Variants in ARAP2 observed in about 807,000 individuals in gnomAD.
The protein encoded by ARAP2 is ArfGAP with RhoGAP domain, ankyrin repeat and PH domain 2, also known as arf-GAP with Rho-GAP domain, ANK repeat and PH domain-containing protein 2.
Under a neutral mutation model 194.5 loss-of-function variants are expected in ARAP2, and 148 were observed. The ratio of observed to expected loss-of-function variants is 0.76; its 90% CI spans 0.67 to 0.87. The LOEUF (loss-of-function observed/expected upper bound fraction) is 0.87. Among genes scored for constraint, ARAP2 ranks in the 40% least tolerant of loss-of-function variants. The pLI is 0.00. For missense variants in ARAP2, 2,128 were observed against 1,989.7 expected, an observed-to-expected ratio of 1.07 and a Z score of -1.32; for synonymous variants, 695 against 683.5, an observed-to-expected ratio of 1.02 and a Z score of -0.26.
chr4:36,014,316 A>AAG (rs879800341), intron 8 of ARAP2, among the ~76,000 whole-genome samples: 1 of 106,416 alleles, frequency 9.4e-6, no homozygotes, highest in Non-Finnish European at 2.0e-5. Flanking sequence ...GAAGGAAAGA[A>AAG]AGAAAGAGAG....
At chr4:36,057,970 CT>C (rs1379846170) in exon 2 of ARAP2, 1 of 151,228 alleles carries the variant, frequency 6.6e-6, no homozygotes, top group Non-Finnish European at 1.5e-5. Context: ...GAGGATTTAC[CT>C]TTCCATCTTC....
At chr4:36,035,313 G>T (rs1315323608) in intron 5 of ARAP2, among the ~76,000 whole-genome samples, 1 of 151,972 alleles carries the variant, frequency 6.6e-6, no homozygotes, top group African/African-American at 2.4e-5. Flanking sequence ...TCTTGGGAGG[G>T]TGTATGTGTC....
intron 15 of ARAP2, among the ~76,000 whole-genome samples, chr4:36,151,487 T>C (rs999622007): frequency 1.3e-5 from 2 of 152,218 alleles, no homozygotes; most frequent in Admixed American, 1.3e-4. Context: ...ATTCATCTTA[T>C]ACTGAAGTCA....
chr4:36,089,923 T>C (rs185886101), intron 28 of ARAP2, among the ~76,000 whole-genome samples: 2 of 152,178 alleles, frequency 1.3e-5, no homozygotes, highest in African/African-American at 4.8e-5. Flanking sequence ...GACTTGCCTA[T>C]TCATATTCTT....
At chr4:36,077,972 T>C (rs12651329) in intron 31 of ARAP2, among the ~76,000 whole-genome samples, 69,274 of 151,922 alleles carry the variant, frequency 0.46, 16,187 homozygotes, top group East Asian at 0.63. Flanking sequence ...GAAAGCCATT[T>C]CCTGAGAACC....
At chr4:36,014,885 T>C (rs113772605) in intron 8 of ARAP2, among the ~76,000 whole-genome samples, 2,569 of 152,240 alleles carry the variant, frequency 0.017, 62 homozygotes, top group African/African-American at 0.059. Flanking sequence ...AAGATTTCTT[T>C]GAAATAAAAA....
intron 4 of ARAP2, 70 bp downstream of exon 4, chr4:36,213,173 T>G (rs1018346173): frequency 2.6e-6 from 3 of 1,132,194 alleles, no homozygotes; most frequent in Non-Finnish European, 3.9e-6. Context: ...TGGAGAAAAA[T>G]GAAGAGGTAC....
In ARAP2 at chr4:36,010,189, T is replaced by C. The variant is rs1714194550; in HGVS notation, n.1325+2374A>G. On this transcript the variant is annotated intron_variant and non_coding_transcript_variant, in intron 9 of 12. Transcript: ENST00000503225. ...CATGTGTTAAATATTATATGTTATATAACATGCTATATATTGTATTTTATA... is the reference window on the plus strand; with the variant it reads ...CATGTGTTAAATATTATATGTTATACAACATGCTATATATTGTATTTTATA... Among the ~76,000 whole-genome samples the C allele has an allele frequency of 2.0e-5, 3 of 151,198 alleles. No homozygotes were observed. In the South Asian group the frequency reaches 6.2e-4, roughly 31 times the overall value.
At chr4:36,238,270 T>C (rs978410057) in intron 1 of ARAP2, among the ~76,000 whole-genome samples, 3 of 152,210 alleles carry the variant, frequency 2.0e-5, no homozygotes, top group Non-Finnish European at 2.9e-5. Flanking sequence ...TCTTCTTTCA[T>C]TCTCCCTCAG....
intron 1 of ARAP2, among the ~76,000 whole-genome samples, chr4:36,237,612 T>G (rs1480038037): frequency 6.6e-6 from 1 of 152,218 alleles, no homozygotes; most frequent in Non-Finnish European, 1.5e-5. Context: ...GCTTCCCCTT[T>G]GCCTTCCACA....
chr4:36,092,583 C>T (rs1257548526), intron 27 of ARAP2, among the ~76,000 whole-genome samples: 1 of 151,972 alleles, frequency 6.6e-6, no homozygotes, highest in Admixed American at 6.6e-5. Context: ...GCACTCCAGC[C>T]TGGGTAACAG....
chr4:36,193,611 A>G lies in ARAP2; in HGVS notation c.1524T>C (p.Asp508=). 6.3e-7 allele frequency: 1 copy of G among 1,599,602 alleles called. No homozygotes were observed. The highest frequency in any genetic ancestry group is 8.5e-7 in the Non-Finnish European group (1 of 1,173,732). The change falls in exon 7 of 33, where the codon GAT becomes GAC. Residue 508 remains aspartate, a synonymous_variant. Coordinates refer to ENST00000303965, the MANE Select transcript of ARAP2 (RefSeq NM_015230.4). ...RMFQKRWVKF[D]GLSISYYNNE... is the part of the protein sequence containing the mutation. ...TATTGTAGTAAGAAATGCTAAGGCCATCAAATTTCACCCATCTCTTTTGAA... is the reference window on the plus strand; with the variant it reads ...TATTGTAGTAAGAAATGCTAAGGCCGTCAAATTTCACCCATCTCTTTTGAA...
Position 36,159,324 on chromosome 4 carries a change from G to A in ARAP2, c.2617+7C>T. ...GAGACCAGGTTAATGAAGAGACAGT[G>A]ACGAACCTGAGAATTTGTTATGGTA... On this transcript the variant is annotated splice_region_variant and intron_variant, in intron 14 of 32. Coordinates refer to ENST00000303965, the MANE Select transcript of ARAP2 (RefSeq NM_015230.4). The A allele has an allele frequency of 3.1e-6, 5 of 1,592,440 alleles. No individual in the cohort carries two copies. The South Asian group carries it at 5.7e-5, about 18-fold the overall frequency.
chr4:36,144,306 T>A (rs551442176), intron 19 of ARAP2, among the ~76,000 whole-genome samples: 1 of 152,058 alleles, frequency 6.6e-6, no homozygotes, highest in African/African-American at 2.4e-5. Context: ...GTTTACCTTT[T>A]TTATTTTCCT....
chr4:36,198,191 T>A lies in ARAP2; in HGVS notation c.1488-4544A>T, dbSNP rs571649848. Among the ~76,000 whole-genome samples, 15 of 152,286 alleles carry A rather than the reference T, an allele frequency of 9.8e-5. No homozygotes were observed. In the East Asian group the frequency reaches 2.9e-3, roughly 30 times the overall value. ...CTCTCTGCAGGCAGGTCATCTGATG[T>A]CTGCAGCTATCAGCAGAGGGTAGGC... On this transcript the variant is annotated intron_variant, in intron 6 of 32. Transcript: ENST00000303965.
chr4:36,182,689 G>A (rs1299939704), intron 8 of ARAP2, among the ~76,000 whole-genome samples: 1 of 152,084 alleles, frequency 6.6e-6, no homozygotes, highest in Non-Finnish European at 1.5e-5. Context: ...GAATTGGTCA[G>A]GATCTAAACA....
chr4:36,202,146 T>C (rs1744494352), intron 6 of ARAP2, among the ~76,000 whole-genome samples: 1 of 152,196 alleles, frequency 6.6e-6, no homozygotes, highest in Non-Finnish European at 1.5e-5. Context: ...ACCCAATATT[T>C]TCTAGGACTA....
chr4:36,169,297 T>C (rs543397556), intron 9 of ARAP2, among the ~76,000 whole-genome samples: 9 of 152,294 alleles, frequency 5.9e-5, no homozygotes, highest in African/African-American at 1.9e-4. Flanking sequence ...GGCCTGTAAG[T>C]CCTGTATGTT....
Position 36,178,677 on chromosome 4 carries a change from A to G in ARAP2, c.1679-672T>C, listed in dbSNP as rs138654215. Among the ~76,000 whole-genome samples, 370 of 152,354 alleles carry G rather than the reference A, an allele frequency of 2.4e-3. 3 individuals are homozygous for G. The Middle Eastern group carries it at 0.031, about 13-fold the overall frequency. The stretch of plus-strand genomic sequence containing the variant: ...TAGTCCCCAAGGAGCAATTAAAGCT[A>G]TAAGTCAAGCAAGATTTGAACACAT... On this transcript the variant is annotated intron_variant, in intron 8 of 32. Transcript: ENST00000303965.
Sources: allele counts gnomAD v4.1 joint callset (sites outside exome capture counted in the v4.1 genomes callset), GRCh38; gene constraint gnomAD v4.1.1; transcripts MANE v1.5; gene names NCBI Gene and HGNC (gene_info 2026-07-23, HGNC 2026-07-21).